CRCP: variants seen among roughly 807,000 people sequenced by gnomAD.
CRCP encodes DNA-directed RNA polymerase III subunit RPC9.
Under a neutral mutation model 18.5 loss-of-function variants are expected in CRCP, and 18 were observed. That is an observed-to-expected ratio of 0.97 (90% CI 0.67 to 1.44). The LOEUF (loss-of-function observed/expected upper bound fraction) is 1.44, where lower values mean the gene tolerates loss of function less well. Among genes scored for constraint, CRCP ranks in the 40% most tolerant of loss-of-function variants. The pLI, the probability that CRCP is intolerant of heterozygous loss-of-function variation, is 0.00. For missense variants in CRCP, 130 were observed against 176.4 expected (o/e 0.74, Z 1.49); for synonymous variants, 53 against 62.9 (o/e 0.84, Z 0.75).
intron 1 of CRCP, among the ~76,000 whole-genome samples, chr7:66,117,124 A>C (rs960385145): frequency 6.6e-6 from 1 of 151,966 alleles, no homozygotes; most frequent in African/African-American, 2.4e-5. Flanking sequence ...TCTCAAAAAA[A>C]AAAAAAAAAA....
chr7:66,118,318 G>A (rs748724382), intron 1 of CRCP, among the ~76,000 whole-genome samples: 3 of 152,140 alleles, frequency 2.0e-5, no homozygotes, highest in African/African-American at 4.8e-5. Flanking sequence ...GTTGCCTTTC[G>A]TCTTCAGTAA....
chr7:66,128,970 G>A (rs557202685), intron 2 of CRCP, among the ~76,000 whole-genome samples: 5 of 152,144 alleles, frequency 3.3e-5, no homozygotes, highest in Non-Finnish European at 5.9e-5. Context: ...AGGCCAAGGA[G>A]AGAAGATTGC....
At chr7:66,141,286 C>A (rs1052657425) in intron 4 of CRCP, among the ~76,000 whole-genome samples, 2 of 152,068 alleles carry the variant, frequency 1.3e-5, no homozygotes, top group African/African-American at 4.8e-5. Flanking sequence ...CTGTAGTCAC[C>A]CTGTTGGACT....
intron 1 of CRCP, among the ~76,000 whole-genome samples, chr7:66,121,872 A>G (rs1376142128): frequency 2.0e-5 from 3 of 152,224 alleles, no homozygotes; most frequent in African/African-American, 7.2e-5. Flanking sequence ...ATAACAACTC[A>G]GTAACAGGAC....
intron 3 of CRCP, among the ~76,000 whole-genome samples, chr7:66,131,520 A>G (rs1204749097): frequency 6.6e-6 from 1 of 152,044 alleles, no homozygotes; most frequent in Admixed American, 6.5e-5. Context: ...GTTGTTGTCC[A>G]GGCTGGTCTC....
At chr7:66,126,205 A>G (rs547149289) in intron 1 of CRCP, among the ~76,000 whole-genome samples, 1 of 149,342 alleles carries the variant, frequency 6.7e-6, no homozygotes, top group East Asian at 2.0e-4. Flanking sequence ...CTGATGACCT[A>G]AGGCCGAGGT....
intron 2 of CRCP, chr7:66,128,601 C>T (rs932710030): frequency 5.9e-5 from 9 of 151,884 alleles, no homozygotes; most frequent in African/African-American, 2.2e-4. Context: ...ACCATCCTGG[C>T]CAACATGGTG....
chr7:66,127,676 C>T, intron 1 of CRCP, 28 bp from the exon 2 acceptor site: 1 of 1,613,758 alleles, frequency 6.2e-7, no homozygotes, highest in Non-Finnish European at 8.5e-7. Flanking sequence ...TGAGCCCAGA[C>T]TGATGATAGC....
In CRCP at chr7:66,152,509, G is replaced by C; in HGVS notation, c.*152G>C. ...GTACATCACAAAAATAAGTTAAAAAGAAATATTTGTGCCTTGGGGAGAAGA... is the reference window on the plus strand; with the variant it reads ...GTACATCACAAAAATAAGTTAAAAACAAATATTTGTGCCTTGGGGAGAAGA... On this transcript the variant is annotated 3_prime_UTR_variant, in exon 6 of 6. Coordinates refer to ENST00000395326, the MANE Select transcript of CRCP (RefSeq NM_014478.5). 6.2e-6 allele frequency: 5 copies of C among 805,264 alleles called. No homozygotes were observed. The highest frequency in any genetic ancestry group is 9.5e-6 in the Non-Finnish European group (5 of 525,516). 49.9% of individuals were successfully genotyped at this position (805,264 alleles called of 1,614,324 possible).
intron 1 of CRCP, among the ~76,000 whole-genome samples, chr7:66,127,046 A>G (rs1026966733): frequency 1.3e-5 from 2 of 152,262 alleles, no homozygotes; most frequent in African/African-American, 2.4e-5. Context: ...CTCACAGCAC[A>G]TAAGTGGCAG....
At chr7:66,141,095 C>CATGGAAAGAGTTAACATG (rs962026930) in intron 4 of CRCP, among the ~76,000 whole-genome samples, 2 of 152,038 alleles carry the variant, frequency 1.3e-5, no homozygotes, top group Non-Finnish European at 2.9e-5. Flanking sequence ...ATGACTCTGC[C>CATGGAAAGAGTTAACATG]AAGAGTTAAC....
chr7:66,154,361 G>C lies in CRCP; in HGVS notation c.*2004G>C, dbSNP rs1788553856. On this transcript the variant is annotated 3_prime_UTR_variant, in exon 6 of 6. Coordinates refer to ENST00000395326, the MANE Select transcript of CRCP (RefSeq NM_014478.5). ...CCTGCTAAAATTTGTATTTTTAGTA[G>C]AGACAGGGTTTTGCCATATTGGCCA... The C allele has an allele frequency of 6.6e-6, 1 of 151,888 alleles. No individual in the cohort carries two copies. Among genetic ancestry groups the C allele is most frequent in the African/African-American group, 2.4e-5 (1 of 41,392 alleles). 9.4% of individuals were successfully genotyped at this position (151,888 alleles called of 1,614,324 possible). A position where few individuals can be genotyped will look rare whatever the true frequency, so the allele number is the denominator to read the frequency against.
chr7:66,144,913 T>A (rs1215534651), intron 4 of CRCP, among the ~76,000 whole-genome samples: 2 of 151,706 alleles, frequency 1.3e-5, no homozygotes, highest in Non-Finnish European at 2.9e-5. Flanking sequence ...CTTTGGGAGG[T>A]CGAGGCAGGT....
chr7:66,137,793 T>C (rs1275492605), intron 4 of CRCP, among the ~76,000 whole-genome samples: 1 of 152,248 alleles, frequency 6.6e-6, no homozygotes, highest in African/African-American at 2.4e-5. Flanking sequence ...TGACCATTTA[T>C]AGTCCAGAGT....
intron 1 of CRCP, 132 bp downstream of exon 1, chr7:66,115,102 G>T (rs746930881): frequency 6.9e-4 from 924 of 1,332,790 alleles, no homozygotes; most frequent in Non-Finnish European, 9.1e-4. Context: ...GGCCCTGTCC[G>T]GGAGGGCCGC....
chr7:66,127,555 C>A, intron 1 of CRCP, 149 bp from the exon 2 acceptor site: 1 of 841,534 alleles, frequency 1.2e-6, no homozygotes, highest in Non-Finnish European at 1.9e-6. Flanking sequence ...CCATGTTGGA[C>A]TTAGGACATT....
At position 66,123,568 on chromosome 7, in the gene CRCP, G is replaced by A. The variant is rs1411764436; in HGVS notation, c.9-4136G>A. ...GTTTGAGACCAGCCTGACCAACATG[G>A]AGAAACCCCGTCTCTACTAAAAATA... On this transcript the variant is annotated intron_variant, in intron 1 of 5. Coordinates refer to ENST00000395326, the MANE Select transcript of CRCP (RefSeq NM_014478.5). Among the ~76,000 whole-genome samples, 6 of 152,066 alleles carry A rather than the reference G, an allele frequency of 3.9e-5. No individual in the cohort carries two copies. In the East Asian group the frequency reaches 1.2e-3, roughly 30 times the overall value.
Position 66,122,998 on chromosome 7 carries a change from A to G in CRCP, c.9-4706A>G, listed in dbSNP as rs1243046325. Among the ~76,000 whole-genome samples, 4 of 141,878 alleles carry G rather than the reference A, an allele frequency of 2.8e-5. No individual in the cohort carries two copies. The East Asian group carries it at 8.1e-4, about 29-fold the overall frequency. 93.1% of individuals were successfully genotyped at this position (141,878 alleles called of 152,430 possible). A position where few individuals can be genotyped will look rare whatever the true frequency, so the allele number is the denominator to read the frequency against. On this transcript the variant is annotated intron_variant, in intron 1 of 5. Coordinates refer to ENST00000395326, the MANE Select transcript of CRCP (RefSeq NM_014478.5). ...GAGATGGAGTCTCGCTCTGTCGCCC[A>G]GGCTGGAGTGCAGTAGCCCCATCTC...
At chr7:66,134,598 G>A (rs1169885062) in intron 4 of CRCP, 1 of 331,344 alleles carries the variant, frequency 3.0e-6, no homozygotes, top group Non-Finnish European at 5.3e-6. Context: ...TAGTGATACT[G>A]TATTACTCTG....
Sources: allele counts gnomAD v4.1 joint callset (sites outside exome capture counted in the v4.1 genomes callset), GRCh38; gene constraint gnomAD v4.1.1; transcripts MANE v1.5; gene names NCBI Gene and HGNC (gene_info 2026-07-23, HGNC 2026-07-21).